The following ANKS1B variants were observed in gnomAD, a reference collection of about 807,000 sequenced individuals.
ANKS1B encodes ankyrin repeat and sterile alpha motif domain-containing protein 1B.
A neutral mutation model predicts 148.3 loss-of-function variants in ANKS1B; 36 were observed. The observed-to-expected ratio is 0.24, with a 90% confidence interval of 0.19 to 0.32. The LOEUF (loss-of-function observed/expected upper bound fraction) is 0.32. Among genes scored for constraint, ANKS1B ranks in the 10% least tolerant of loss-of-function variants. The pLI is 1.00. For synonymous variants in ANKS1B, 542 were observed against 560.8 expected, an observed-to-expected ratio of 0.97 and a Z score of 0.47; for missense variants, 1,157 against 1,542.6, an observed-to-expected ratio of 0.75 and a Z score of 4.19.
At chr12:98,966,677 A>T (rs1289417416) in intron 17 of ANKS1B, among the ~76,000 whole-genome samples, 1 of 152,216 alleles carries the variant, frequency 6.6e-6, no homozygotes, top group East Asian at 1.9e-4. Context: ...AGATTGGATT[A>T]AGAAAATGTG....
chr12:99,678,508 C>T (rs764485171), intron 8 of ANKS1B, among the ~76,000 whole-genome samples: 2 of 152,112 alleles, frequency 1.3e-5, no homozygotes, highest in African/African-American at 4.8e-5. Context: ...CACAGATTCC[C>T]GGATAACCAC....
At chr12:99,612,403 T>C (rs2097910541) in intron 9 of ANKS1B, among the ~76,000 whole-genome samples, 2 of 152,132 alleles carry the variant, frequency 1.3e-5, no homozygotes, top group Admixed American at 1.3e-4. Context: ...TTCATTATCA[T>C]AACATCTCCA....
chr12:99,173,535 T>A lies in ANKS1B; in HGVS notation c.2420-19140A>T, dbSNP rs182533307. Among the ~76,000 whole-genome samples the A allele has an allele frequency of 4.9e-4, 75 of 152,264 alleles. 1 individual carries two copies. Among genetic ancestry groups the A allele is most frequent in the African/African-American group, 1.7e-3 (71 of 41,554 alleles). ...TCATATAGAAGCATTGGCTGAAAAT[T>A]ATAACATAAACCAAAAACAAAGAAT... is the stretch of plus-strand genomic sequence containing the variant. On this transcript the variant is annotated intron_variant, in intron 14 of 26. Transcript: ENST00000683438.
intron 12 of ANKS1B, among the ~76,000 whole-genome samples, chr12:99,350,999 C>T (rs114532690): frequency 2.1e-3 from 315 of 152,200 alleles, no homozygotes; most frequent in African/African-American, 7.0e-3. Context: ...TGAGAACTAT[C>T]TCCCTTATAG....
intron 25 of ANKS1B, among the ~76,000 whole-genome samples, chr12:98,755,184 AT>A (rs932029183): frequency 8.6e-5 from 13 of 152,044 alleles, no homozygotes; most frequent in Non-Finnish European, 1.2e-4. Context: ...AAGAACCCCC[AT>A]TTTTTTGTAG....
At chr12:99,323,057 G>T (rs185719788) in intron 12 of ANKS1B, among the ~76,000 whole-genome samples, 2 of 152,116 alleles carry the variant, frequency 1.3e-5, no homozygotes, top group African/African-American at 2.4e-5. Flanking sequence ...TTTATCAGTA[G>T]TGTGAGAATG....
chr12:99,546,146 A>G (rs2097171049), intron 9 of ANKS1B, among the ~76,000 whole-genome samples: 1 of 152,182 alleles, frequency 6.6e-6, no homozygotes, highest in Non-Finnish European at 1.5e-5. Flanking sequence ...GTGACAGTCA[A>G]TAAGTGACAA....
intron 8 of ANKS1B, among the ~76,000 whole-genome samples, chr12:99,750,371 A>G (rs2060993069): frequency 6.6e-6 from 1 of 152,102 alleles, no homozygotes; most frequent in Non-Finnish European, 1.5e-5. Context: ...ATATTTCACA[A>G]TTTTACCTAG....
At chr12:99,752,630 T>G (rs1332350668) in intron 8 of ANKS1B, among the ~76,000 whole-genome samples, 1 of 152,044 alleles carries the variant, frequency 6.6e-6, no homozygotes, top group African/African-American at 2.4e-5. Context: ...ATTTTTATGT[T>G]TTGTAGGATA....
intron 14 of ANKS1B, among the ~76,000 whole-genome samples, chr12:99,183,065 C>T (rs2079327157): frequency 1.3e-5 from 2 of 152,104 alleles, no homozygotes; most frequent in Admixed American, 1.3e-4. Context: ...GGTTTTAATC[C>T]CCTGTCAGAT....
At chr12:99,002,861 T>C (rs1035701521) in intron 17 of ANKS1B, among the ~76,000 whole-genome samples, 2 of 152,210 alleles carry the variant, frequency 1.3e-5, no homozygotes, top group East Asian at 1.9e-4. Context: ...TGCGTATTTA[T>C]GCTTTTGTCG....
intron 12 of ANKS1B, among the ~76,000 whole-genome samples, chr12:99,331,625 G>A (rs1337968988): frequency 6.6e-6 from 1 of 151,992 alleles, no homozygotes; most frequent in Non-Finnish European, 1.5e-5. Flanking sequence ...CATCAGCAGG[G>A]AAATTGGCCT....
At chr12:99,927,273 C>G (rs2153804245) in intron 1 of ANKS1B, among the ~76,000 whole-genome samples, 1 of 152,222 alleles carries the variant, frequency 6.6e-6, no homozygotes, top group African/African-American at 2.4e-5. Flanking sequence ...CCCTTTTGGC[C>G]TAAACTGGTT....
At chr12:99,781,081 C>G (rs1399630298) in intron 5 of ANKS1B, among the ~76,000 whole-genome samples, 3 of 129,988 alleles carry the variant, frequency 2.3e-5, no homozygotes, top group Non-Finnish European at 5.0e-5. Flanking sequence ...AAAAAAAAAG[C>G]CAGTTTACAG....
chr12:98,999,783 G>A (rs74467829), intron 17 of ANKS1B, among the ~76,000 whole-genome samples: 26,266 of 152,108 alleles, frequency 0.17, 2,475 homozygotes, highest in Non-Finnish European at 0.21. Context: ...ATGTGGTTGG[G>A]CTGGGCTCTC....
At chr12:99,642,540 G>A (rs2098320083) in intron 9 of ANKS1B, among the ~76,000 whole-genome samples, 1 of 152,202 alleles carries the variant, frequency 6.6e-6, no homozygotes, top group Non-Finnish European at 1.5e-5. Context: ...AATCTAGGGG[G>A]CATGGTGGCT....
intron 8 of ANKS1B, among the ~76,000 whole-genome samples, chr12:99,743,743 C>T (rs1345512164): frequency 6.6e-6 from 1 of 152,158 alleles, no homozygotes; most frequent in East Asian, 1.9e-4. Flanking sequence ...AAGCTCGTCT[C>T]TAACAGATGT....
At chr12:99,831,757 G>C (rs76439804) in intron 1 of ANKS1B, among the ~76,000 whole-genome samples, 2,009 of 151,972 alleles carry the variant, frequency 0.013, 53 homozygotes, top group African/African-American at 0.046. Context: ...CCTGGGAGGA[G>C]AAAGTCTACC....
intron 8 of ANKS1B, among the ~76,000 whole-genome samples, chr12:99,728,964 G>C (rs981794071): frequency 1.3e-5 from 2 of 152,044 alleles, no homozygotes; most frequent in African/African-American, 4.8e-5. Flanking sequence ...CAACAGCATA[G>C]TGTAAATACA....
Sources: allele counts gnomAD v4.1 joint callset (sites outside exome capture counted in the v4.1 genomes callset), GRCh38; gene constraint gnomAD v4.1.1; transcripts MANE v1.5; gene names NCBI Gene and HGNC (gene_info 2026-07-23, HGNC 2026-07-21).